Variants in SPRR2G observed in about 807,000 individuals in gnomAD.
SPRR2G encodes small proline-rich protein 2G.
SPRR2G carries 1 observed loss-of-function variant against 0.7 expected under a neutral mutation model. That is an observed-to-expected ratio of 1.49 (90% CI 0.53 to 7.06). The LOEUF is 7.06. SPRR2G is among the 30% of genes most tolerant of loss of function. SPRR2G has a pLI of 0.14. For synonymous variants in SPRR2G, 38 were observed against 33.9 expected (o/e 1.12, Z -0.42); for missense variants, 96 against 88.5 (o/e 1.09, Z -0.34).
chr1:153,190,878 T>TTC, the SPRR2G span: 12 of 152,300 alleles, frequency 7.9e-5, no homozygotes, highest in East Asian at 3.9e-4. Context: ...TGTTTTTTTT[T>TTC]TCTCTCTCTG....
chr1:153,151,199 T>C (rs938182339), upstream of SPRR2G, among the ~76,000 whole-genome samples: 6 of 152,230 alleles, frequency 3.9e-5, no homozygotes, highest in Non-Finnish European at 8.8e-5. Flanking sequence ...CAAAGTATCC[T>C]GTATGTAAAA....
chr1:153,169,736 A>G, the SPRR2G span, among the ~76,000 whole-genome samples: 1 of 152,166 alleles, frequency 6.6e-6, no homozygotes, highest in Non-Finnish European at 1.5e-5. Flanking sequence ...ATGAAGCTCA[A>G]TTGTGTATGT....
the SPRR2G span, among the ~76,000 whole-genome samples, chr1:153,185,893 C>A: frequency 6.6e-6 from 1 of 152,210 alleles, no homozygotes; most frequent in South Asian, 2.1e-4. Flanking sequence ...AGCTGTGTCC[C>A]AGAGATTCTG....
the SPRR2G span, among the ~76,000 whole-genome samples, chr1:153,193,107 T>C: frequency 3.3e-5 from 5 of 152,072 alleles, no homozygotes; most frequent in African/African-American, 1.2e-4. Context: ...TAGCTTTTCT[T>C]ACATCCAATA....
At chr1:153,159,622 G>A in the SPRR2G span, among the ~76,000 whole-genome samples, 2 of 152,108 alleles carry the variant, frequency 1.3e-5, no homozygotes, top group African/African-American at 4.8e-5. Context: ...TTCTCACACT[G>A]CTATAAAGAT....
At chr1:153,188,187 G>T in the SPRR2G span, among the ~76,000 whole-genome samples, 1 of 152,170 alleles carries the variant, frequency 6.6e-6, no homozygotes, top group Non-Finnish European at 1.5e-5. Context: ...AGGGGTCAGG[G>T]ACCCACTTGA....
upstream of SPRR2G, among the ~76,000 whole-genome samples, chr1:153,153,060 C>T (rs1049017451): frequency 5.9e-5 from 9 of 152,026 alleles, no homozygotes; most frequent in African/African-American, 2.2e-4. Flanking sequence ...CAAATTAAAC[C>T]TCTGAAACTC....
chr1:153,165,950 C>T, the SPRR2G span, among the ~76,000 whole-genome samples: 1 of 152,134 alleles, frequency 6.6e-6, no homozygotes, highest in African/African-American at 2.4e-5. Flanking sequence ...TCTTTCTTGT[C>T]CTGTGTTGGA....
At chr1:153,187,319 G>A in the SPRR2G span, among the ~76,000 whole-genome samples, 10 of 152,056 alleles carry the variant, frequency 6.6e-5, no homozygotes, top group Admixed American at 4.6e-4. Context: ...CATTCTCCCC[G>A]TCACTTTCAC....
the SPRR2G span, among the ~76,000 whole-genome samples, chr1:153,184,301 A>G: frequency 1.3e-4 from 20 of 152,348 alleles, no homozygotes; most frequent in East Asian, 3.7e-3. Context: ...TCTCTAAATT[A>G]CTTTAGGCAG....
the SPRR2G span, among the ~76,000 whole-genome samples, chr1:153,182,616 C>T: frequency 6.6e-6 from 1 of 152,098 alleles, no homozygotes; most frequent in Non-Finnish European, 1.5e-5. Context: ...TGTTCAACTC[C>T]CACTTATGAG....
chr1:153,200,136 A>G, the SPRR2G span, among the ~76,000 whole-genome samples: 7 of 152,208 alleles, frequency 4.6e-5, no homozygotes, highest in Non-Finnish European at 8.8e-5. Flanking sequence ...AAATTAAGTT[A>G]CTATCTTTTA....
the SPRR2G span, among the ~76,000 whole-genome samples, chr1:153,165,094 C>A: frequency 2.6e-5 from 4 of 152,162 alleles, no homozygotes; most frequent in South Asian, 6.2e-4. Flanking sequence ...CTGGCAGGAG[C>A]TGAAAATCAG....
At chr1:153,159,773 G>A in the SPRR2G span, among the ~76,000 whole-genome samples, 1 of 152,224 alleles carries the variant, frequency 6.6e-6, no homozygotes, top group African/African-American at 2.4e-5. Flanking sequence ...AGGAGAGACA[G>A]AGAGGTTGAG....
At chr1:153,182,328 T>G in the SPRR2G span, among the ~76,000 whole-genome samples, 2 of 151,628 alleles carry the variant, frequency 1.3e-5, no homozygotes, top group African/African-American at 2.4e-5. Flanking sequence ...TTTTAAGAAT[T>G]TTTTTATTAG....
the SPRR2G span, among the ~76,000 whole-genome samples, chr1:153,185,353 T>TG: frequency 2.0e-5 from 3 of 150,162 alleles, no homozygotes; most frequent in African/African-American, 5.0e-5. Flanking sequence ...TTTTTTTTTT[T>TG]TGTGGTTAGT....
upstream of SPRR2G, among the ~76,000 whole-genome samples, chr1:153,155,658 C>G (rs537128850): frequency 3.3e-5 from 5 of 152,168 alleles, no homozygotes; most frequent in Non-Finnish European, 5.9e-5. Flanking sequence ...TTACATAGCC[C>G]TTCCTTCGCC....
chr1:153,190,204 C>T, the SPRR2G span: 2 of 152,362 alleles, frequency 1.3e-5, no homozygotes, highest in Admixed American at 6.5e-5. Flanking sequence ...TGTCTCCCAC[C>T]CTTCATACAG....
the SPRR2G span, among the ~76,000 whole-genome samples, chr1:153,195,142 C>T: frequency 1.3e-5 from 2 of 152,156 alleles, no homozygotes; most frequent in African/African-American, 4.8e-5. Flanking sequence ...CCTCTCCATG[C>T]TAACAGGAAT....
Sources: gnomAD v4.1 joint callset for allele counts (sites outside exome capture counted in the v4.1 genomes callset) on GRCh38, gnomAD v4.1.1 for gene constraint, MANE v1.5 for transcripts, NCBI Gene and HGNC (gene_info 2026-07-23, HGNC 2026-07-21) for gene names.